The following LATS2 variants were observed in gnomAD, a reference collection of about 807,000 sequenced individuals.
The protein encoded by LATS2 is serine/threonine-protein kinase LATS2.
In LATS2, 24 loss-of-function variants were observed where a neutral mutation model predicts 76.0. The ratio of observed to expected loss-of-function variants is 0.32; its 90% CI spans 0.23 to 0.44. The LOEUF (loss-of-function observed/expected upper bound fraction) is 0.44. LATS2 is among the 20% of genes least tolerant of loss of function. The pLI is 1.00. For synonymous variants in LATS2, 692 were observed against 635.4 expected (o/e 1.09, Z -1.34); for missense variants, 1,286 against 1,481.2 (o/e 0.87, Z 2.16).
chr13:21,030,591 C>CAAAAAAAAAAAAAAAA (rs374884189), intron 2 of LATS2, among the ~76,000 whole-genome samples: 2 of 25,716 alleles, frequency 7.8e-5, no homozygotes, highest in Non-Finnish European at 1.8e-4. Context: ...GACTCCGTCT[C>CAAAAAAAAAAAAAAAA]AAAAAAAAAA....
At position 20,998,762 on chromosome 13, in the gene LATS2, C is replaced by CGAGG. The variant is rs201596095; in HGVS notation, c.343-7359_343-7358insCCTC. Among the ~76,000 whole-genome samples, 70 of 152,312 alleles carry CGAGG rather than the reference C, an allele frequency of 4.6e-4. No homozygotes were observed. In the East Asian group the frequency reaches 0.012, roughly 27 times the overall value. The stretch of plus-strand genomic sequence containing the variant: ...AATGCGGGGCGAGGCGGGGCGGGGC[C>CGAGG]CGACAACCTTGGGCTGGTGGGGCAG... On this transcript the variant is annotated intron_variant, in intron 2 of 7. Transcript: ENST00000382592.
chr13:21,032,613 T>C (rs1872569491), intron 2 of LATS2, among the ~76,000 whole-genome samples: 1 of 152,112 alleles, frequency 6.6e-6, no homozygotes, highest in Non-Finnish European at 1.5e-5. Flanking sequence ...TTAGTATTAG[T>C]GCATTTTATG....
Position 20,975,293 on chromosome 13 carries a change from G to A in LATS2, c.2844C>T (p.Ile948=), listed in dbSNP as rs756338635. The change falls in exon 8 of 8, where the codon ATC becomes ATT. Residue 948 remains isoleucine, a synonymous_variant. Transcript: ENST00000382592. ...GGTCTGCGGAGCAGCACAGCTTGGTGATGAGGTCCCTGGCCTCAGGGCTCA... is the reference window on the plus strand; with the variant it reads ...GGTCTGCGGAGCAGCACAGCTTGGTAATGAGGTCCCTGGCCTCAGGGCTCA... ...VKLSPEARDL[I]TKLCCSADHR... 1 of 1,612,622 alleles carries A rather than the reference G, an allele frequency of 6.2e-7. No individual in the cohort carries two copies.
At chr13:21,038,481 G>A (rs1009258848) in intron 2 of LATS2, 1 of 152,014 alleles carries the variant, frequency 6.6e-6, no homozygotes, top group African/African-American at 2.4e-5. Flanking sequence ...GAGATTACAG[G>A]TGTGAGTCAC....
At chr13:21,021,330 G>A (rs1010222977) in intron 2 of LATS2, among the ~76,000 whole-genome samples, 4 of 151,672 alleles carry the variant, frequency 2.6e-5, no homozygotes, top group Admixed American at 1.3e-4. Flanking sequence ...AAAATTAGAC[G>A]GGTGTGGTGG....
chr13:21,052,465 C>T (rs942306209), intron 1 of LATS2, among the ~76,000 whole-genome samples: 1 of 152,156 alleles, frequency 6.6e-6, no homozygotes, highest in Admixed American at 6.5e-5. Context: ...ATTCTCGTGC[C>T]TCAGCCACCC....
chr13:21,003,268 GA>G (rs1871123566), intron 2 of LATS2, among the ~76,000 whole-genome samples: 1 of 151,794 alleles, frequency 6.6e-6, no homozygotes, highest in African/African-American at 2.4e-5. Context: ...TTATTTTTGA[GA>G]GGGGTCTTGC....
intron 2 of LATS2, among the ~76,000 whole-genome samples, chr13:21,043,465 A>C (rs550675776): frequency 6.6e-6 from 1 of 152,124 alleles, no homozygotes; most frequent in Non-Finnish European, 1.5e-5. Context: ...TCCTACCTGA[A>C]TTTTCTGAAC....
intron 1 of LATS2, among the ~76,000 whole-genome samples, chr13:21,058,809 T>C (rs1167491957): frequency 1.3e-5 from 2 of 152,248 alleles, no homozygotes; most frequent in Non-Finnish European, 2.9e-5. Flanking sequence ...CAGTGCCTTC[T>C]ATACCTGCAT....
chr13:20,995,370 A>G (rs996989202), intron 2 of LATS2, among the ~76,000 whole-genome samples: 2 of 152,200 alleles, frequency 1.3e-5, no homozygotes, highest in Admixed American at 1.3e-4. Flanking sequence ...AGCTTACCTC[A>G]GGCTGCTGTG....
chr13:21,022,613 A>C (rs1278591305), intron 2 of LATS2, among the ~76,000 whole-genome samples: 1 of 152,192 alleles, frequency 6.6e-6, no homozygotes, highest in Non-Finnish European at 1.5e-5. Context: ...AGTCAGAGGA[A>C]AGCTTTTTGT....
At chr13:20,992,374 G>A (rs1032990024) in intron 2 of LATS2, among the ~76,000 whole-genome samples, 1 of 152,204 alleles carries the variant, frequency 6.6e-6, no homozygotes, top group Non-Finnish European at 1.5e-5. Flanking sequence ...CAGGCTGGGG[G>A]CGGCTGTGGG....
intron 2 of LATS2, among the ~76,000 whole-genome samples, chr13:20,996,171 C>T (rs1345067): frequency 0.44 from 66,681 of 151,914 alleles, 16,952 homozygotes; most frequent in Non-Finnish European, 0.57. Context: ...CTGCAGTGTT[C>T]AACACTTCCT....
At chr13:21,037,052 C>T (rs1872707409) in intron 2 of LATS2, among the ~76,000 whole-genome samples, 1 of 152,164 alleles carries the variant, frequency 6.6e-6, no homozygotes, top group Non-Finnish European at 1.5e-5. Flanking sequence ...ATGACCAGCT[C>T]TTTACAATAA....
chr13:21,036,777 CA>C (rs1872695034), intron 2 of LATS2, among the ~76,000 whole-genome samples: 1 of 27,076 alleles, frequency 3.7e-5, no homozygotes, highest in Non-Finnish European at 2.0e-4. Flanking sequence ...CGTCTCAAAA[CA>C]ACAACAACAA....
At chr13:21,043,103 C>G (rs752909480) in intron 2 of LATS2, among the ~76,000 whole-genome samples, 2 of 152,050 alleles carry the variant, frequency 1.3e-5, no homozygotes, top group African/African-American at 4.8e-5. Context: ...GGAGGCCGAA[C>G]GAAGCAGGCA....
chr13:21,061,162 C>A (rs1306331148), intron 1 of LATS2, among the ~76,000 whole-genome samples, 184 bp downstream of exon 1: 1 of 150,764 alleles, frequency 6.6e-6, no homozygotes, highest in African/African-American at 2.4e-5. Flanking sequence ...TCCGGGCGGG[C>A]GCGGACCGTG....
intron 2 of LATS2, among the ~76,000 whole-genome samples, chr13:21,024,031 C>T (rs530678287): frequency 5.1e-5 from 7 of 138,020 alleles, no homozygotes; most frequent in African/African-American, 1.9e-4. Flanking sequence ...CAGGCATCCT[C>T]GGGAAGGGCC....
At chr13:21,050,361 G>GA (rs74568131) in intron 1 of LATS2, among the ~76,000 whole-genome samples, 9,577 of 151,968 alleles carry the variant, frequency 0.063, 920 homozygotes, top group East Asian at 0.42. Flanking sequence ...CACAACCCCA[G>GA]AAGCCTCCAG....
Sources: allele counts gnomAD v4.1 joint callset (sites outside exome capture counted in the v4.1 genomes callset), GRCh38; gene constraint gnomAD v4.1.1; transcripts MANE v1.5; gene names NCBI Gene and HGNC (gene_info 2026-07-23, HGNC 2026-07-21).